The following FTO variants were observed in gnomAD, a reference collection of about 807,000 sequenced individuals.
The protein encoded by FTO is FTO alpha-ketoglutarate dependent dioxygenase, also known as alpha-ketoglutarate-dependent dioxygenase FTO.
FTO carries 47 observed loss-of-function variants against 63.9 expected under a neutral mutation model. The observed-to-expected ratio is 0.74, with a 90% CI of 0.58 to 0.94. FTO has a LOEUF of 0.94. Among genes scored for constraint, FTO ranks in the 40% least tolerant of loss-of-function variants. FTO has a pLI of 0.00. For missense variants in FTO, 562 were observed against 618.1 expected (o/e 0.91, Z 0.96); for synonymous variants, 207 against 224.4 (o/e 0.92, Z 0.69).
intron 8 of FTO, among the ~76,000 whole-genome samples, chr16:54,101,003 G>C (rs1262359156): frequency 6.6e-6 from 1 of 152,144 alleles, no homozygotes; most frequent in East Asian, 1.9e-4. Flanking sequence ...AAACCAGCAA[G>C]GGGCTCTTGC....
intron 3 of FTO, among the ~76,000 whole-genome samples, chr16:53,831,463 GAA>G (rs397745790): frequency 1.3e-5 from 2 of 151,276 alleles, no homozygotes; most frequent in Non-Finnish European, 2.9e-5. Flanking sequence ...CAAAGGGGGG[GAA>G]AAAACTTATT....
intron 7 of FTO, among the ~76,000 whole-genome samples, chr16:53,925,059 C>T (rs1436463670): frequency 2.5e-4 from 31 of 125,094 alleles, no homozygotes; most frequent in African/African-American, 3.6e-4. Context: ...TTCTTTCTTT[C>T]TTTTTTTTGT....
At chr16:54,048,929 T>C (rs1209060628) in intron 8 of FTO, among the ~76,000 whole-genome samples, 1 of 152,244 alleles carries the variant, frequency 6.6e-6, no homozygotes, top group Admixed American at 6.5e-5. Flanking sequence ...TAATGTGCAC[T>C]GATGACAAAC....
intron 1 of FTO, among the ~76,000 whole-genome samples, chr16:53,718,133 T>A (rs1434140626): frequency 6.6e-6 from 1 of 152,166 alleles, no homozygotes; most frequent in Non-Finnish European, 1.5e-5. Context: ...TTGTGGTAAA[T>A]CATTTTTCTC....
chr16:54,103,414 A>G (rs1199036158), intron 8 of FTO, among the ~76,000 whole-genome samples: 1 of 152,178 alleles, frequency 6.6e-6, no homozygotes, highest in African/African-American at 2.4e-5. Flanking sequence ...AAAAAGGTGT[A>G]TTGACCCGGG....
intron 1 of FTO, among the ~76,000 whole-genome samples, chr16:53,718,494 A>C (rs920883847): frequency 2.0e-5 from 3 of 152,012 alleles, no homozygotes; most frequent in Non-Finnish European, 4.4e-5. Flanking sequence ...CTCTTTCAGT[A>C]ATTATACTCT....
intron 6 of FTO, among the ~76,000 whole-genome samples, chr16:53,888,401 T>TTTTAAAA (rs1567402100): frequency 6.6e-6 from 1 of 152,054 alleles, no homozygotes; most frequent in Non-Finnish European, 1.5e-5. Context: ...GCCAATTTAT[T>TTTTAAAA]ATTAAAAATA....
At chr16:54,100,477 C>T (rs1207367685) in intron 8 of FTO, among the ~76,000 whole-genome samples, 2 of 152,096 alleles carry the variant, frequency 1.3e-5, no homozygotes, top group Admixed American at 1.3e-4. Flanking sequence ...CTCAGCCTCC[C>T]AACTAGCTAG....
At chr16:53,818,537 A>G (rs890614368) in intron 2 of FTO, among the ~76,000 whole-genome samples, 1 of 152,084 alleles carries the variant, frequency 6.6e-6, no homozygotes, top group South Asian at 2.1e-4. Context: ...AATATTTTAC[A>G]TTTATATTGG....
intron 8 of FTO, among the ~76,000 whole-genome samples, chr16:54,106,482 T>C (rs919527338): frequency 3.3e-4 from 48 of 145,914 alleles, no homozygotes; most frequent in Non-Finnish European, 5.5e-4. Flanking sequence ...ACATATAATA[T>C]GTAATATAGT....
chr16:53,863,992 G>A (rs2080242358), intron 4 of FTO, among the ~76,000 whole-genome samples: 1 of 152,110 alleles, frequency 6.6e-6, no homozygotes, highest in Non-Finnish European at 1.5e-5. Flanking sequence ...ATGTTCCATT[G>A]ATTGTCTCAT....
At chr16:53,966,133 G>T (rs1464935575) in intron 8 of FTO, among the ~76,000 whole-genome samples, 1 of 152,208 alleles carries the variant, frequency 6.6e-6, no homozygotes, top group Non-Finnish European at 1.5e-5. Context: ...CTCCCAAAGT[G>T]CTGGGATTAC....
chr16:54,007,026 C>T (rs940696665), intron 8 of FTO, among the ~76,000 whole-genome samples: 5 of 152,220 alleles, frequency 3.3e-5, no homozygotes, highest in East Asian at 1.9e-4. Context: ...TTACACAGAT[C>T]GTCCTGATCA....
At chr16:53,744,361 C>G (rs2076598183) in intron 1 of FTO, among the ~76,000 whole-genome samples, 1 of 152,208 alleles carries the variant, frequency 6.6e-6, no homozygotes, top group Non-Finnish European at 1.5e-5. Context: ...CCAAATTTCT[C>G]TGGTTGCCTT....
intron 1 of FTO, among the ~76,000 whole-genome samples, chr16:53,704,911 C>A (rs1971933862): frequency 6.6e-6 from 1 of 152,200 alleles, no homozygotes; most frequent in South Asian, 2.1e-4. Context: ...AACAGCCCAG[C>A]TTCACAGATG....
At chr16:53,714,676 C>T (rs533290556) in intron 1 of FTO, among the ~76,000 whole-genome samples, 6 of 152,146 alleles carry the variant, frequency 3.9e-5, no homozygotes, top group African/African-American at 7.2e-5. Flanking sequence ...CAATATGCTG[C>T]GAGCCATTTT....
intron 8 of FTO, among the ~76,000 whole-genome samples, chr16:54,009,016 C>A (rs898330477): frequency 2.7e-5 from 4 of 150,930 alleles, no homozygotes; most frequent in Admixed American, 1.3e-4. Flanking sequence ...TGTCCCCCCC[C>A]CAAAAAAAAA....
At chr16:53,936,982 TTGTC>T (rs1199795583) in intron 8 of FTO, among the ~76,000 whole-genome samples, 1 of 152,228 alleles carries the variant, frequency 6.6e-6, no homozygotes, top group East Asian at 1.9e-4. Context: ...TGTAAAATAT[TTGTC>T]TGTCTCTCAG....
chr16:53,916,266 C>T (rs1286252076), intron 7 of FTO, among the ~76,000 whole-genome samples: 1 of 152,054 alleles, frequency 6.6e-6, no homozygotes, highest in African/African-American at 2.4e-5. Flanking sequence ...GGGGCAAAGG[C>T]GGGCTAGCAG....
Sources: allele counts gnomAD v4.1 joint callset (sites outside exome capture counted in the v4.1 genomes callset), GRCh38; gene constraint gnomAD v4.1.1; transcripts MANE v1.5; gene names NCBI Gene and HGNC (gene_info 2026-07-23, HGNC 2026-07-21).